Variants in GSTCD observed in about 807,000 individuals in gnomAD.
The protein encoded by GSTCD is glutathione S-transferase C-terminal domain containing, also known as glutathione S-transferase C-terminal domain-containing protein.
GSTCD carries 44 observed loss-of-function variants against 68.3 expected under a neutral mutation model. That is an observed-to-expected ratio of 0.64 (90% CI 0.51 to 0.83). The LOEUF is 0.83. GSTCD is among the 40% of genes least tolerant of loss of function. The pLI is 0.00. For synonymous variants in GSTCD, 273 were observed against 255.2 expected, an observed-to-expected ratio of 1.07 and a Z score of -0.67; for missense variants, 739 against 735.9, an observed-to-expected ratio of 1.00 and a Z score of -0.05.
chr4:105,747,979 G>T (rs1306717900), intron 5 of GSTCD, among the ~76,000 whole-genome samples: 1 of 152,056 alleles, frequency 6.6e-6, no homozygotes, highest in East Asian at 1.9e-4. Flanking sequence ...AAGTGGCCAG[G>T]CATGGTGGCT....
At chr4:105,772,005 A>G (rs1315776178) in intron 5 of GSTCD, among the ~76,000 whole-genome samples, 2 of 152,216 alleles carry the variant, frequency 1.3e-5, no homozygotes, top group Non-Finnish European at 2.9e-5. Context: ...ATCCATGAGC[A>G]TGGAATGTTT....
At chr4:105,779,987 AAG>A (rs1735215855) in intron 5 of GSTCD, among the ~76,000 whole-genome samples, 2 of 152,314 alleles carry the variant, frequency 1.3e-5, no homozygotes, top group African/African-American at 4.8e-5. Flanking sequence ...TTTTCCCCTC[AAG>A]AGAGAAAAAA....
intron 5 of GSTCD, among the ~76,000 whole-genome samples, chr4:105,729,947 A>T (rs942024747): frequency 4.6e-5 from 7 of 151,928 alleles, no homozygotes; most frequent in Non-Finnish European, 8.8e-5. Context: ...CCTGTGTCCA[A>T]GTGTTCTCAT....
intron 5 of GSTCD, among the ~76,000 whole-genome samples, chr4:105,743,183 C>T (rs1273629979): frequency 2.0e-5 from 3 of 152,106 alleles, no homozygotes; most frequent in Non-Finnish European, 4.4e-5. Flanking sequence ...ATCTCCTGAC[C>T]TCATGATCTG....
chr4:105,754,547 C>T (rs1487265956), intron 5 of GSTCD, among the ~76,000 whole-genome samples: 5 of 152,134 alleles, frequency 3.3e-5, no homozygotes, highest in African/African-American at 1.2e-4. Flanking sequence ...AAAATGCAAA[C>T]ATGCTTCCTA....
At chr4:105,792,836 T>C (rs1735727602) in intron 5 of GSTCD, among the ~76,000 whole-genome samples, 1 of 152,054 alleles carries the variant, frequency 6.6e-6, no homozygotes, top group Admixed American at 6.5e-5. Context: ...TCTGCTTAAA[T>C]TCCCGCTACA....
chr4:105,843,900 G>A (rs1050194316), intron 11 of GSTCD, among the ~76,000 whole-genome samples: 2 of 151,462 alleles, frequency 1.3e-5, no homozygotes, highest in African/African-American at 4.9e-5. Context: ...TGCTAGAGTG[G>A]TGGGGGTGGG....
At chr4:105,837,588 C>T (rs1433634141) in intron 9 of GSTCD, among the ~76,000 whole-genome samples, 3 of 152,110 alleles carry the variant, frequency 2.0e-5, no homozygotes, top group Non-Finnish European at 4.4e-5. Flanking sequence ...ACACCTGGAT[C>T]TTAGTGTTCC....
At chr4:105,742,967 T>TG (rs1733679324) in intron 5 of GSTCD, among the ~76,000 whole-genome samples, 3 of 151,200 alleles carry the variant, frequency 2.0e-5, no homozygotes, top group South Asian at 2.1e-4. Flanking sequence ...TTTTTTTTTT[T>TG]GAGACAGAGT....
intron 5 of GSTCD, among the ~76,000 whole-genome samples, chr4:105,770,736 T>G (rs1018295526): frequency 1.3e-5 from 2 of 152,142 alleles, no homozygotes; most frequent in Non-Finnish European, 2.9e-5. Context: ...TATTCCATGG[T>G]GTATATGTGC....
At chr4:105,768,311 T>A (rs1237113195) in intron 5 of GSTCD, among the ~76,000 whole-genome samples, 1 of 152,160 alleles carries the variant, frequency 6.6e-6, no homozygotes, top group Non-Finnish European at 1.5e-5. Context: ...CTTACAGGCG[T>A]AAGTCATCGC....
intron 3 of GSTCD, among the ~76,000 whole-genome samples, chr4:105,726,049 AAC>A (rs147385207): frequency 0.044 from 6,770 of 152,246 alleles, 209 homozygotes; most frequent in Middle Eastern, 0.13. Flanking sequence ...AAAGAAATGA[AAC>A]ACAGTGCCAC....
intron 5 of GSTCD, among the ~76,000 whole-genome samples, chr4:105,749,660 A>G (rs1733939823): frequency 6.6e-6 from 1 of 151,988 alleles, no homozygotes; most frequent in South Asian, 2.1e-4. Context: ...ATTAAAGTTA[A>G]CCCAAAATAG....
intron 4 of GSTCD, among the ~76,000 whole-genome samples, chr4:105,727,248 G>C (rs968173454): frequency 1.3e-5 from 2 of 151,996 alleles, no homozygotes; most frequent in African/African-American, 4.8e-5. Context: ...ATAAGGCTGG[G>C]TGTAGTAGCT....
At chr4:105,710,232 A>ATTTTTTTTTTTTTTTTTT (rs761574598) in intron 1 of GSTCD, among the ~76,000 whole-genome samples, 1 of 85,722 alleles carries the variant, frequency 1.2e-5, no homozygotes, top group African/African-American at 5.6e-5. Context: ...GGGCCCATCA[A>ATTTTTTTTTTTTTTTTTT]TTTTTTTTTT....
At chr4:105,844,028 C>T (rs1473514945) in intron 11 of GSTCD, among the ~76,000 whole-genome samples, 1 of 152,132 alleles carries the variant, frequency 6.6e-6, no homozygotes, top group Non-Finnish European at 1.5e-5. Context: ...AGACTATCAG[C>T]AGCTAAATTT....
In GSTCD at chr4:105,726,586, T is replaced by C. The variant is rs1560796532; in HGVS notation, c.902T>C (p.Ile301Thr). 6.3e-7 allele frequency: 1 copy of C among 1,581,148 alleles called. No homozygotes were observed. The change falls in exon 4 of 12, where the codon ATC (isoleucine) becomes ACC (threonine). Residue 301 changes from isoleucine to threonine, a missense_variant. Transcript: ENST00000515279. ...TATTATTTTCCTACCTAGGTAATTA[T>C]CAGCAGGAAATTTTCTGAGAAGCTG... ...LPCIHHFLVI[I>T]SRKFSEKLVE...
chr4:105,770,243 TTA>T (rs1289659878), intron 5 of GSTCD, among the ~76,000 whole-genome samples: 1 of 152,246 alleles, frequency 6.6e-6, no homozygotes, highest in Non-Finnish European at 1.5e-5. Flanking sequence ...GTTTTATTTC[TTA>T]TGTTTTTCTT....
chr4:105,796,823 T>C (rs570723757), intron 5 of GSTCD, among the ~76,000 whole-genome samples: 1 of 152,252 alleles, frequency 6.6e-6, no homozygotes, highest in Non-Finnish European at 1.5e-5. Context: ...TTTTTGGAAA[T>C]GGGTAAGAGG....
Sources: gnomAD v4.1 joint callset for allele counts (sites outside exome capture counted in the v4.1 genomes callset) on GRCh38, gnomAD v4.1.1 for gene constraint, MANE v1.5 for transcripts, NCBI Gene and HGNC (gene_info 2026-07-23, HGNC 2026-07-21) for gene names.